GRIN2B: variants seen among roughly 807,000 people sequenced by gnomAD.
The protein encoded by GRIN2B is glutamate ionotropic receptor NMDA type subunit 2B.
Under a neutral mutation model 114.5 loss-of-function variants are expected in GRIN2B, and 5 were observed. That is an observed-to-expected ratio of 0.04 (90% CI 0.02 to 0.09). The LOEUF (loss-of-function observed/expected upper bound fraction) is 0.09. Among genes scored for constraint, GRIN2B ranks in the 10% least tolerant of loss-of-function variants. The probability of loss-of-function intolerance (pLI) is 1.00; values close to 1 mark genes in which losing one functional copy is unlikely to be tolerated. For synonymous variants in GRIN2B, 787 were observed against 745.1 expected (o/e 1.06, Z -0.92); for missense variants, 1,108 against 1,943.5 (o/e 0.57, Z 8.08).
chr12:13,907,583 C>T (rs1866561859), intron 2 of GRIN2B, among the ~76,000 whole-genome samples: 1 of 151,814 alleles, frequency 6.6e-6, no homozygotes, highest in Middle Eastern at 3.4e-3. Flanking sequence ...AAATTTATCT[C>T]AGGTTGACAG....
chr12:13,668,289 T>C lies in GRIN2B; in HGVS notation c.1125+7456A>G, dbSNP rs1363790010. ...TTTTATCCTTTTCATTCAGTGGCTG[T>C]TGACAAGCACTGGAAGGCAACCAGC... is the stretch of plus-strand genomic sequence containing the variant. On this transcript the variant is annotated intron_variant, in intron 5 of 13. Coordinates refer to ENST00000609686, the MANE Select transcript of GRIN2B (RefSeq NM_000834.5). Among the ~76,000 whole-genome samples, 6 of 152,200 alleles carry C rather than the reference T, an allele frequency of 3.9e-5. No individual in the cohort carries two copies. The East Asian group carries it at 9.6e-4, about 24-fold the overall frequency.
intron 3 of GRIN2B, among the ~76,000 whole-genome samples, chr12:13,829,264 T>C (rs1865106372): frequency 6.6e-6 from 1 of 152,214 alleles, no homozygotes; most frequent in Admixed American, 6.5e-5. Flanking sequence ...ATTGATGTGT[T>C]TTATCTGACC....
intron 2 of GRIN2B, among the ~76,000 whole-genome samples, chr12:13,914,153 G>T (rs538818436): frequency 2.6e-5 from 4 of 152,044 alleles, no homozygotes; most frequent in Non-Finnish European, 5.9e-5. Context: ...GAATGAACTG[G>T]GGCAACCAGG....
At chr12:13,802,573 G>A (rs1209340801) in intron 3 of GRIN2B, among the ~76,000 whole-genome samples, 1 of 151,976 alleles carries the variant, frequency 6.6e-6, no homozygotes, top group East Asian at 1.9e-4. Context: ...ATAAAATACT[G>A]AATAGAGAAT....
At chr12:13,874,036 A>T (rs1865955115) in intron 2 of GRIN2B, among the ~76,000 whole-genome samples, 1 of 152,230 alleles carries the variant, frequency 6.6e-6, no homozygotes, top group African/African-American at 2.4e-5. Flanking sequence ...GTCCTCTTAC[A>T]TAATGCAGGT....
At chr12:13,694,664 TA>T (rs1381734134) in intron 4 of GRIN2B, among the ~76,000 whole-genome samples, 1 of 55,030 alleles carries the variant, frequency 1.8e-5, no homozygotes, top group African/African-American at 4.8e-5. Context: ...GTCATATATA[TA>T]TATATATATA....
chr12:13,760,142 T>C (rs968258346), intron 3 of GRIN2B, among the ~76,000 whole-genome samples: 1 of 152,182 alleles, frequency 6.6e-6, no homozygotes, highest in Non-Finnish European at 1.5e-5. Flanking sequence ...CTTTTTCCCA[T>C]AGCATCTCTC....
At chr12:13,640,536 G>A (rs532987044) in intron 5 of GRIN2B, among the ~76,000 whole-genome samples, 45 of 152,198 alleles carry the variant, frequency 3.0e-4, no homozygotes, top group Middle Eastern at 3.4e-3. Flanking sequence ...TGTATAGTTT[G>A]TCTTTGACTG....
chr12:13,846,788 T>C (rs138481492), intron 3 of GRIN2B, among the ~76,000 whole-genome samples: 72 of 150,856 alleles, frequency 4.8e-4, no homozygotes, highest in African/African-American at 1.7e-3. Context: ...AGTTGGAGAG[T>C]GAAAATAAGG....
In GRIN2B at chr12:13,653,298, G is replaced by A. The variant is rs12229800; in HGVS notation, c.1125+22447C>T. ...TGGGGCATTAACTTTTGAGTTTGGT[G>A]GGCTTGGGGTCTCTGTGAGACATAA... On this transcript the variant is annotated intron_variant, in intron 5 of 13. Coordinates refer to ENST00000609686, the MANE Select transcript of GRIN2B (RefSeq NM_000834.5). Among the ~76,000 whole-genome samples, 170 of 152,206 alleles carry A rather than the reference G, an allele frequency of 1.1e-3. 1 individual carries two copies. In the East Asian group the frequency reaches 0.029, roughly 26 times the overall value.
intron 10 of GRIN2B, among the ~76,000 whole-genome samples, chr12:13,605,556 C>CTG (rs1391827852): frequency 2.3e-4 from 34 of 148,848 alleles, no homozygotes; most frequent in Non-Finnish European, 4.9e-4. Context: ...CTCTCTGACA[C>CTG]ACACACACAC....
chr12:13,694,777 A>G (rs1950246567), intron 4 of GRIN2B, among the ~76,000 whole-genome samples: 1 of 149,478 alleles, frequency 6.7e-6, no homozygotes, highest in African/African-American at 2.5e-5. Flanking sequence ...CCAAGGATAC[A>G]TGGAAATATG....
intron 9 of GRIN2B, 36 bp from the exon 10 acceptor site, chr12:13,608,868 C>T: frequency 6.7e-7 from 1 of 1,495,242 alleles, no homozygotes; most frequent in South Asian, 1.1e-5. Flanking sequence ...AAAGTTAAGC[C>T]ATTGTGGCTG....
chr12:13,571,411 CT>C (rs2136415173), intron 11 of GRIN2B, among the ~76,000 whole-genome samples: 1 of 152,304 alleles, frequency 6.6e-6, no homozygotes, highest in Non-Finnish European at 1.5e-5. Context: ...AACATTTACA[CT>C]TTCCCCCTTT....
intron 3 of GRIN2B, among the ~76,000 whole-genome samples, chr12:13,838,301 C>A (rs1865313955): frequency 6.6e-6 from 1 of 152,078 alleles, no homozygotes; most frequent in Non-Finnish European, 1.5e-5. Flanking sequence ...CCCTTAAAGC[C>A]CCTGATATTC....
At chr12:13,855,805 G>A (rs1458515168) in intron 3 of GRIN2B, among the ~76,000 whole-genome samples, 3 of 152,192 alleles carry the variant, frequency 2.0e-5, no homozygotes, top group Non-Finnish European at 2.9e-5. Context: ...GGTTCCAAGG[G>A]TTAAGACATG....
intron 2 of GRIN2B, among the ~76,000 whole-genome samples, chr12:13,879,116 G>A (rs1866032907): frequency 6.6e-6 from 1 of 151,956 alleles, no homozygotes; most frequent in African/African-American, 2.4e-5. Flanking sequence ...AATCATGCGT[G>A]GCTTAATGAC....
intron 5 of GRIN2B, among the ~76,000 whole-genome samples, chr12:13,650,879 TG>T (rs1381978161): frequency 6.6e-6 from 1 of 152,132 alleles, no homozygotes; most frequent in Non-Finnish European, 1.5e-5. Context: ...TGAACCCTGG[TG>T]CTCGAGTAGT....
intron 2 of GRIN2B, among the ~76,000 whole-genome samples, chr12:13,968,361 A>G (rs561752255): frequency 1.0e-3 from 159 of 152,346 alleles, no homozygotes; most frequent in African/African-American, 3.8e-3. Flanking sequence ...TTCCTCATTC[A>G]GTCCACAAAA....
Sources: gnomAD v4.1 joint callset for allele counts (sites outside exome capture counted in the v4.1 genomes callset) on GRCh38, gnomAD v4.1.1 for gene constraint, MANE v1.5 for transcripts, NCBI Gene and HGNC (gene_info 2026-07-23, HGNC 2026-07-21) for gene names.